DLG2: variants seen among roughly 807,000 people sequenced by gnomAD.
The protein encoded by DLG2 is disks large homolog 2.
A neutral mutation model predicts 132.5 loss-of-function variants in DLG2; 45 were observed. That is an observed-to-expected ratio of 0.34 (90% CI 0.27 to 0.44). The LOEUF (loss-of-function observed/expected upper bound fraction) is 0.44. DLG2 is among the 20% of genes least tolerant of loss of function. The probability of loss-of-function intolerance (pLI) is 1.00; values close to 1 mark genes in which losing one functional copy is unlikely to be tolerated. For missense variants in DLG2, 1,045 were observed against 1,196.9 expected (o/e 0.87, Z 1.87); for synonymous variants, 424 against 419.6 (o/e 1.01, Z -0.13).
At chr11:84,186,403 T>A (rs1250678091) in intron 8 of DLG2, among the ~76,000 whole-genome samples, 2 of 152,012 alleles carry the variant, frequency 1.3e-5, no homozygotes, top group Non-Finnish European at 2.9e-5. Flanking sequence ...GCGGCTATAC[T>A]GATATTAGAC....
chr11:83,652,788 C>T (rs767353393), intron 18 of DLG2, among the ~76,000 whole-genome samples: 1 of 152,160 alleles, frequency 6.6e-6, no homozygotes, highest in Non-Finnish European at 1.5e-5. Flanking sequence ...TTGTCACTTC[C>T]TCCTCAGGCT....
At chr11:85,384,006 CA>C (rs1049272116) in intron 3 of DLG2, among the ~76,000 whole-genome samples, 2 of 152,152 alleles carry the variant, frequency 1.3e-5, no homozygotes, top group Non-Finnish European at 2.9e-5. Flanking sequence ...CCTTCAAAAT[CA>C]GGTTCTGACT....
chr11:85,228,745 G>C (rs1219814166), intron 4 of DLG2, among the ~76,000 whole-genome samples: 1 of 151,252 alleles, frequency 6.6e-6, no homozygotes, highest in African/African-American at 2.4e-5. Context: ...CTTATAAATG[G>C]CTTATATATG....
intron 6 of DLG2, among the ~76,000 whole-genome samples, chr11:84,578,937 C>T (rs941072262): frequency 6.6e-6 from 1 of 152,036 alleles, no homozygotes; most frequent in African/African-American, 2.4e-5. Context: ...CGGTCTTTCC[C>T]AAGGTATTCT....
intron 3 of DLG2, among the ~76,000 whole-genome samples, chr11:85,325,069 T>G (rs1334799451): frequency 2.9e-5 from 4 of 136,258 alleles, no homozygotes; most frequent in Non-Finnish European, 6.3e-5. Context: ...CAGACCGGCT[T>G]AAGAAACGGC....
At chr11:84,320,144 T>A (rs745365023) in intron 7 of DLG2, among the ~76,000 whole-genome samples, 12 of 152,226 alleles carry the variant, frequency 7.9e-5, no homozygotes, top group Non-Finnish European at 1.8e-4. Context: ...ATCACTGTGA[T>A]TTAACATGGG....
At chr11:83,950,188 T>G (rs1003509475) in intron 14 of DLG2, among the ~76,000 whole-genome samples, 1 of 152,220 alleles carries the variant, frequency 6.6e-6, no homozygotes, top group African/African-American at 2.4e-5. Flanking sequence ...TGAAAGGTAT[T>G]ACACAAATAT....
intron 21 of DLG2, among the ~76,000 whole-genome samples, chr11:83,518,650 C>T (rs1408617236): frequency 6.6e-6 from 1 of 152,260 alleles, no homozygotes; most frequent in South Asian, 2.1e-4. Context: ...GGAGCTGTTC[C>T]TATTCGGCCA....
At chr11:84,556,973 C>G (rs2099413178) in intron 6 of DLG2, among the ~76,000 whole-genome samples, 2 of 152,092 alleles carry the variant, frequency 1.3e-5, no homozygotes, top group Admixed American at 1.3e-4. Context: ...AATGGAGGCC[C>G]CTGGGTATCC....
chr11:84,697,780 G>C (rs1286630695), intron 6 of DLG2, among the ~76,000 whole-genome samples: 2 of 151,320 alleles, frequency 1.3e-5, no homozygotes, highest in Non-Finnish European at 3.0e-5. Flanking sequence ...TCATTGACAG[G>C]TTTTCACAGT....
chr11:83,489,270 G>A (rs2093702403), intron 21 of DLG2, among the ~76,000 whole-genome samples: 1 of 151,922 alleles, frequency 6.6e-6, no homozygotes, highest in Non-Finnish European at 1.5e-5. Context: ...AGAGAAACAT[G>A]GTAATTCCTA....
At chr11:85,352,339 G>T (rs1381579417) in intron 3 of DLG2, among the ~76,000 whole-genome samples, 1 of 151,990 alleles carries the variant, frequency 6.6e-6, no homozygotes, top group Non-Finnish European at 1.5e-5. Context: ...TACCTATTTT[G>T]TTGATCTTTT....
At chr11:83,926,905 A>G (rs1053193873) in intron 15 of DLG2, among the ~76,000 whole-genome samples, 4 of 152,144 alleles carry the variant, frequency 2.6e-5, no homozygotes, top group Non-Finnish European at 5.9e-5. Flanking sequence ...TGGAAAAATA[A>G]ATAATATCTG....
At chr11:83,675,631 T>C (rs2077549102) in intron 18 of DLG2, among the ~76,000 whole-genome samples, 1 of 152,210 alleles carries the variant, frequency 6.6e-6, no homozygotes, top group African/African-American at 2.4e-5. Flanking sequence ...GTGGTTTAGC[T>C]TATAATTCAA....
At chr11:84,400,930 GTCA>G (rs1327403755) in intron 7 of DLG2, among the ~76,000 whole-genome samples, 2 of 151,560 alleles carry the variant, frequency 1.3e-5, no homozygotes, top group Non-Finnish European at 2.9e-5. Flanking sequence ...CAGCATCATC[GTCA>G]TCATCACCAT....
chr11:84,652,099 C>T (rs896946149), intron 6 of DLG2, among the ~76,000 whole-genome samples: 13 of 152,194 alleles, frequency 8.5e-5, no homozygotes, highest in Admixed American at 8.5e-4. Flanking sequence ...GCTATAAAAC[C>T]TAAGCAAGAA....
At chr11:83,824,108 T>C (rs565504758) in intron 17 of DLG2, among the ~76,000 whole-genome samples, 1 of 152,192 alleles carries the variant, frequency 6.6e-6, no homozygotes, top group Admixed American at 6.5e-5. Flanking sequence ...GACAATTCAG[T>C]GAAATCACAG....
At chr11:85,115,816 AATCCCAGG>A (rs768752493) in intron 5 of DLG2, among the ~76,000 whole-genome samples, 7 of 151,994 alleles carry the variant, frequency 4.6e-5, no homozygotes, top group Non-Finnish European at 8.8e-5. Flanking sequence ...TGGACCTCAG[AATCCCAGG>A]ACTGAGGAGA....
rs528157226 is a variant in DLG2, at chr11:83,469,205, T to C, written c.2615A>G (p.Glu872Gly). ...TAAGAAGATTGGTGAACATACTCTT[T>C]CTGCTACAAATCTCACAGACTGCAC... Reference protein sequence around the residue: ...TSVQSVRFVAERGKHCILDVS... With the variant: ...TSVQSVRFVAGRGKHCILDVS... Residue 872 changes from glutamate to glycine, a missense_variant, in exon 25 of 28, where the codon GAA becomes GGA. This residue lies in a region of DLG2 where 398 missense variants were observed against 543.6 expected (regional missense o/e 0.73). Coordinates refer to ENST00000376104, the MANE Select transcript of DLG2 (RefSeq NM_001142699.3). The C allele has an allele frequency of 3.7e-6, 6 of 1,604,586 alleles. No homozygotes were observed. In the East Asian group the frequency reaches 1.3e-4, roughly 36 times the overall value.
Sources: allele counts gnomAD v4.1 joint callset (sites outside exome capture counted in the v4.1 genomes callset), GRCh38; gene constraint gnomAD v4.1.1; regional missense constraint gnomAD v4.1.1; transcripts MANE v1.5; gene names NCBI Gene and HGNC (gene_info 2026-07-23, HGNC 2026-07-21).